ASH1L: variants seen among roughly 807,000 people sequenced by gnomAD.
ASH1L encodes histone-lysine N-methyltransferase ASH1L.
Under a neutral mutation model 269.0 loss-of-function variants are expected in ASH1L, and 23 were observed. That is an observed-to-expected ratio of 0.09 (90% CI 0.06 to 0.12). The LOEUF is 0.12. ASH1L is among the 10% of genes least tolerant of loss of function. The probability of loss-of-function intolerance (pLI) is 1.00; values close to 1 mark genes in which losing one functional copy is unlikely to be tolerated. For synonymous variants in ASH1L, 1,187 were observed against 1,253.5 expected, an observed-to-expected ratio of 0.95 and a Z score of 1.12; for missense variants, 2,912 against 3,567.8, an observed-to-expected ratio of 0.82 and a Z score of 4.68.
chr1:155,339,600 T>C (rs1378695402), intron 25 of ASH1L, among the ~76,000 whole-genome samples: 2 of 152,170 alleles, frequency 1.3e-5, no homozygotes, highest in Non-Finnish European at 2.9e-5. Context: ...CTCTATCCCA[T>C]TTCACCTTTT....
chr1:155,442,911 G>A (rs992206641), intron 4 of ASH1L, among the ~76,000 whole-genome samples: 3 of 152,060 alleles, frequency 2.0e-5, no homozygotes, highest in African/African-American at 4.8e-5. Context: ...TTTCCTGAAA[G>A]GTTATTTACC....
intron 3 of ASH1L, among the ~76,000 whole-genome samples, chr1:155,466,558 T>C (rs1034207042): frequency 2.6e-5 from 4 of 152,188 alleles, no homozygotes; most frequent in Non-Finnish European, 4.4e-5. Context: ...TTCTATCATG[T>C]TTTAAATCTT....
At chr1:155,527,418 C>A (rs1480463674) in intron 1 of ASH1L, among the ~76,000 whole-genome samples, 2 of 152,102 alleles carry the variant, frequency 1.3e-5, no homozygotes, top group East Asian at 3.9e-4. Flanking sequence ...CAACAACCTC[C>A]ACATTGCTAA....
chr1:155,446,230 A>G (rs1487650187), intron 4 of ASH1L, among the ~76,000 whole-genome samples: 2 of 150,984 alleles, frequency 1.3e-5, no homozygotes, highest in East Asian at 3.9e-4. Flanking sequence ...TTCTAAATTT[A>G]TCGTTAAGAC....
chr1:155,367,709 A>G (rs1655562306), intron 12 of ASH1L, among the ~76,000 whole-genome samples: 1 of 152,176 alleles, frequency 6.6e-6, no homozygotes, highest in Admixed American at 6.5e-5. Context: ...GAGACAATAT[A>G]TGATTTTTTG....
chr1:155,369,667 C>T (rs1446485925), intron 12 of ASH1L, among the ~76,000 whole-genome samples: 1 of 152,014 alleles, frequency 6.6e-6, no homozygotes, highest in East Asian at 1.9e-4. Context: ...AGAAATGCAC[C>T]AGGTATTTAA....
At chr1:155,426,755 A>C (rs1284785252) in intron 5 of ASH1L, among the ~76,000 whole-genome samples, 1 of 152,240 alleles carries the variant, frequency 6.6e-6, no homozygotes, top group Non-Finnish European at 1.5e-5. Context: ...GTATCCACAA[A>C]AAATAAAAAT....
chr1:155,360,951 C>T (rs1483471828), intron 12 of ASH1L, among the ~76,000 whole-genome samples: 1 of 151,778 alleles, frequency 6.6e-6, no homozygotes, highest in Non-Finnish European at 1.5e-5. Flanking sequence ...GCCAAGAGTT[C>T]AAGACCAGAC....
chr1:155,477,934 T>C lies in ASH1L; in HGVS notation c.4936A>G (p.Arg1646Gly). The C allele has an allele frequency of 6.2e-7, 1 of 1,614,034 alleles. No individual in the cohort carries two copies. The highest frequency in any genetic ancestry group is 8.5e-7 in the Non-Finnish European group (1 of 1,179,862). The part of the protein sequence containing the change: ...AQDTSLNRLH[R>G]KESLPSNERA... ...TCGTTAGAAGGCAGTGACTCCTTTC[T>C]GTGAAGCCGATTTAGTGAAGTGTCC... The change falls in exon 3 of 28, where the codon AGA becomes GGA. Residue 1646 changes from arginine (R) to glycine (G), a missense_variant. By Grantham distance (125) the Arg-to-Gly change is moderately radical. Transcript: ENST00000392403.
intron 2 of ASH1L, among the ~76,000 whole-genome samples, chr1:155,512,261 C>A (rs1255683274): frequency 6.6e-6 from 1 of 151,708 alleles, no homozygotes; most frequent in African/African-American, 2.4e-5. Context: ...AAAGATCCGC[C>A]AGGCGCAGCA....
At chr1:155,360,922 G>A (rs1570995638) in intron 12 of ASH1L, among the ~76,000 whole-genome samples, 2 of 152,214 alleles carry the variant, frequency 1.3e-5, no homozygotes, top group African/African-American at 4.8e-5. Context: ...GGGAGGTTGA[G>A]GTGGGAGGAT....
chr1:155,438,227 A>G, intron 5 of ASH1L, 100 bp downstream of exon 5: 2 of 1,269,612 alleles, frequency 1.6e-6, no homozygotes. Flanking sequence ...ATAGTAAAAA[A>G]TGAAAGGTTA....
intron 1 of ASH1L, among the ~76,000 whole-genome samples, chr1:155,551,309 C>CA (rs1454743751): frequency 6.6e-6 from 1 of 152,100 alleles, no homozygotes; most frequent in African/African-American, 2.4e-5. Context: ...ATAATTGATT[C>CA]ACTTTAGCAG....
intron 6 of ASH1L, among the ~76,000 whole-genome samples, chr1:155,400,505 C>G (rs1388903174): frequency 6.6e-6 from 1 of 152,106 alleles, no homozygotes; most frequent in African/African-American, 2.4e-5. Context: ...TACTATTTAT[C>G]ATTGCCATTT....
In ASH1L at chr1:155,395,462, C is replaced by A; in HGVS notation, c.6100G>T (p.Val2034Phe). ...ATTGTGTGGACTCGGTACTTACCAA[C>A]ATGAATGGGCGCTGGAAATAATCCA... ...EYGLFPAPIH[V>F]GKYLRQKRID... The change falls in exon 7 of 28, where the codon GTT (valine) becomes TTT (phenylalanine). Residue 2034 changes from valine to phenylalanine, a missense_variant. Physicochemically the swap from Val to Phe is conservative, Grantham distance 50. Transcript: ENST00000392403. 2 of 1,602,264 alleles carry A rather than the reference C, an allele frequency of 1.2e-6. No homozygotes were observed. The highest frequency in any genetic ancestry group is 1.7e-6 in the Non-Finnish European group (2 of 1,175,094).
chr1:155,538,559 A>G (rs1423250293), intron 1 of ASH1L, among the ~76,000 whole-genome samples: 1 of 148,334 alleles, frequency 6.7e-6, no homozygotes, highest in African/African-American at 2.5e-5. Flanking sequence ...AGGTTTCACT[A>G]TATTGAACTC....
chr1:155,366,201 G>A (rs1200786890), intron 12 of ASH1L, among the ~76,000 whole-genome samples: 1 of 152,162 alleles, frequency 6.6e-6, no homozygotes, highest in Non-Finnish European at 1.5e-5. Flanking sequence ...AGATGGCAAC[G>A]AGAGTGACAT....
chr1:155,491,809 T>A (rs1666808066), intron 2 of ASH1L, among the ~76,000 whole-genome samples: 1 of 151,658 alleles, frequency 6.6e-6, no homozygotes, highest in South Asian at 2.1e-4. Flanking sequence ...AGCTAGCTGG[T>A]TTACAGGGAC....
chr1:155,514,587 T>C (rs528395013), intron 2 of ASH1L, among the ~76,000 whole-genome samples: 38 of 152,216 alleles, frequency 2.5e-4, no homozygotes, highest in African/African-American at 8.7e-4. Context: ...ATGGAAATGT[T>C]AGACTAAAAG....
Sources: allele counts gnomAD v4.1 joint callset (sites outside exome capture counted in the v4.1 genomes callset), GRCh38; gene constraint gnomAD v4.1.1; transcripts MANE v1.5; gene names NCBI Gene and HGNC (gene_info 2026-07-23, HGNC 2026-07-21).